The following MYH9 variants were observed in gnomAD, a reference collection of about 807,000 sequenced individuals.
MYH9 encodes the protein myosin heavy chain 9.
A neutral mutation model predicts 241.9 loss-of-function variants in MYH9; 29 were observed. The ratio of observed to expected loss-of-function variants is 0.12; its 90% CI spans 0.09 to 0.16. MYH9 has a LOEUF of 0.16. MYH9 is among the 10% of genes least tolerant of loss of function. The probability of loss-of-function intolerance (pLI) is 1.00; values close to 1 mark genes in which losing one functional copy is unlikely to be tolerated. For missense variants in MYH9, 1,803 were observed against 2,595.5 expected (o/e 0.69, Z 6.63); for synonymous variants, 1,047 against 1,062.6 (o/e 0.99, Z 0.29).
At chr22:36,316,795 A>G (rs576049781) in intron 11 of MYH9, 126 bp from the exon 12 acceptor site, 189 of 565,202 alleles carry the variant, frequency 3.3e-4, no homozygotes, top group East Asian at 6.6e-4. Context: ...TATGTGGGGG[A>G]AAAAAAAAAA....
At chr22:36,368,838 C>G (rs1418932683) in intron 1 of MYH9, among the ~76,000 whole-genome samples, 1 of 151,482 alleles carries the variant, frequency 6.6e-6, no homozygotes, top group Non-Finnish European at 1.5e-5. Flanking sequence ...CCCGGAAGAG[C>G]CTGCGAAGCC....
Position 36,284,435 on chromosome 22 carries a change from C to T in MYH9, c.5560G>A (p.Glu1854Lys), listed in dbSNP as rs1269778199. The T allele has an allele frequency of 5.6e-6, 9 of 1,613,378 alleles. No homozygotes were observed. The highest frequency in any genetic ancestry group is 1.3e-5 in the African/African-American group (1 of 75,076). Residue 1854 changes from glutamate (E) to lysine (K), a missense_variant, in exon 39 of 41, where the codon GAG becomes AAG. Transcript: ENST00000216181. ...TTGTACTGCTCGGCGTTCCTCCGCT[C>T]GTCATCCACCTGCAGCAGCACATCC... Reference protein sequence around the residue: ...LKDVLLQVDDERRNAEQYKDQ... With the variant: ...LKDVLLQVDDKRRNAEQYKDQ...
At chr22:36,302,928 C>T (rs943361910) in intron 19 of MYH9, among the ~76,000 whole-genome samples, 2 of 152,176 alleles carry the variant, frequency 1.3e-5, no homozygotes, top group African/African-American at 4.8e-5. Flanking sequence ...CACTGAGGTG[C>T]CCATGGGGGT....
chr22:36,286,660 C>A, intron 35 of MYH9, 58 bp downstream of exon 35: 2 of 1,604,832 alleles, frequency 1.2e-6, no homozygotes, highest in East Asian at 2.2e-5. Flanking sequence ...GAAAGCCCCA[C>A]GCTGCCACCT....
intron 1 of MYH9, among the ~76,000 whole-genome samples, chr22:36,379,820 C>A (rs542691984): frequency 6.6e-6 from 1 of 152,222 alleles, no homozygotes; most frequent in Non-Finnish European, 1.5e-5. Flanking sequence ...GCTGCTCCAG[C>A]GCTTGGCGGG....
At chr22:36,380,131 C>T (rs2018233583) in intron 1 of MYH9, among the ~76,000 whole-genome samples, 1 of 152,184 alleles carries the variant, frequency 6.6e-6, no homozygotes, top group Non-Finnish European at 1.5e-5. Context: ...CCCCAGGAGG[C>T]CCGGAGGCTG....
At chr22:36,341,640 G>A in intron 2 of MYH9, 114 bp from the exon 3 acceptor site, 1 of 1,219,374 alleles carries the variant, frequency 8.2e-7, no homozygotes, top group Non-Finnish European at 1.2e-6. Flanking sequence ...AGCCTGATGT[G>A]AAGGCACTCC....
At chr22:36,303,884 C>A (rs2016928016) in intron 19 of MYH9, 111 bp downstream of exon 19, 5 of 1,316,664 alleles carry the variant, frequency 3.8e-6, no homozygotes, top group Non-Finnish European at 5.3e-6. Flanking sequence ...CCTGGGCCTC[C>A]CTGACAGGCA....
At chr22:36,316,996 A>G (rs118095731) in intron 11 of MYH9, among the ~76,000 whole-genome samples, 234 of 84,592 alleles carry the variant, frequency 2.8e-3, no homozygotes, top group African/African-American at 9.0e-3. Context: ...CCCTAAATGC[A>G]CCCGATCTCA....
intron 1 of MYH9, among the ~76,000 whole-genome samples, chr22:36,366,545 C>A (rs1308908145): frequency 6.6e-6 from 1 of 152,154 alleles, no homozygotes; most frequent in Admixed American, 6.5e-5. Flanking sequence ...AAGGAGAGAG[C>A]CTCAGAGGCT....
At chr22:36,313,754 A>C (rs1462237934) in intron 13 of MYH9, among the ~76,000 whole-genome samples, 1 of 152,194 alleles carries the variant, frequency 6.6e-6, no homozygotes, top group Admixed American at 6.5e-5. Flanking sequence ...CTACAGTGAA[A>C]GCAGCCCGCG....
At chr22:36,344,247 C>A (rs1476634415) in intron 2 of MYH9, among the ~76,000 whole-genome samples, 2 of 152,264 alleles carry the variant, frequency 1.3e-5, no homozygotes, top group African/African-American at 4.8e-5. Context: ...CGACACGGCG[C>A]TGCTCCATTC....
Position 36,330,464 on chromosome 22 carries a change from T to C in MYH9, c.491-2976A>G, listed in dbSNP as rs562291871. ...AACCTTACAAGGTATTGTATTGTAA[T>C]GTACAAAGCAGGTATTATCATCATT... is the stretch of plus-strand genomic sequence containing the variant. On this transcript the variant is annotated intron_variant, in intron 3 of 40. Transcript: ENST00000216181. The surrounding 1 kb of genome is among the most constrained non-coding windows in gnomAD (Gnocchi z 4.5). Among the ~76,000 whole-genome samples the C allele has an allele frequency of 7.2e-5, 11 of 152,334 alleles. No individual in the cohort carries two copies. In the South Asian group the frequency reaches 1.9e-3, roughly 26 times the overall value.
At chr22:36,352,311 A>C (rs2017777981) in intron 1 of MYH9, among the ~76,000 whole-genome samples, 1 of 152,226 alleles carries the variant, frequency 6.6e-6, no homozygotes, top group Non-Finnish European at 1.5e-5. Flanking sequence ...ATGGCCCGTC[A>C]AAAAGCAGGC....
chr22:36,313,738 T>C (rs568269625), intron 13 of MYH9, among the ~76,000 whole-genome samples: 1 of 152,188 alleles, frequency 6.6e-6, no homozygotes, highest in Non-Finnish European at 1.5e-5. Context: ...TCTGCACTGT[T>C]CCATGCTACA....
chr22:36,340,899 G>A (rs1209955473), intron 3 of MYH9, among the ~76,000 whole-genome samples: 1 of 152,116 alleles, frequency 6.6e-6, no homozygotes, highest in Non-Finnish European at 1.5e-5. Flanking sequence ...CACTGCGATG[G>A]AACAGAAGGG....
intron 19 of MYH9, 143 bp downstream of exon 19, chr22:36,303,852 G>C: frequency 1.3e-6 from 1 of 778,632 alleles, no homozygotes; most frequent in Admixed American, 2.7e-5. Context: ...TAGAAATCCA[G>C]GAACAGGGGT....
In MYH9 at chr22:36,288,581, G is replaced by A. The variant is rs958642464; in HGVS notation, c.4770+146C>T. 32 of 1,312,778 alleles carry A rather than the reference G, an allele frequency of 2.4e-5. No homozygotes were observed. Among genetic ancestry groups the A allele is most frequent in the Middle Eastern group, 2.2e-4 (1 of 4,552 alleles). The allele number at this position is 1,312,778 out of a possible 1,614,324, so 81.3% of individuals were successfully genotyped here. A position where few individuals can be genotyped will look rare whatever the true frequency, so the allele number is the denominator to read the frequency against. On this transcript the variant is annotated intron_variant, in intron 33 of 40. Transcript: ENST00000216181. This position sits in a 1 kb window ranked among gnomAD's most constrained non-coding sequence, Gnocchi z 4.8. ...CTAAGAAAGTGAGTCACTGAACCCC[G>A]AGACAGGAGGCTAGAAAGAAGGAAT...
rs1196738320 is a variant in MYH9 at position 36,282,579 on chromosome 22, G to A, written c.*89C>T. 12 of 1,194,728 alleles carry A rather than the reference G, an allele frequency of 1.0e-5. No individual in the cohort carries two copies. Among genetic ancestry groups the A allele is most frequent in the Middle Eastern group, 3.8e-4 (2 of 5,318 alleles). The allele number at this position is 1,194,728 out of a possible 1,614,324, so 74.0% of individuals were successfully genotyped here. On this transcript the variant is annotated 3_prime_UTR_variant, in exon 41 of 41. Coordinates refer to ENST00000216181, the MANE Select transcript of MYH9 (RefSeq NM_002473.6). ...GGAGGCATGTTCACAGCAGTCCCAA[G>A]AAGGTGGGGAGAGGCGTGCTGCGGG...
Sources: gnomAD v4.1 joint callset for allele counts (sites outside exome capture counted in the v4.1 genomes callset) on GRCh38, gnomAD v4.1.1 for gene constraint, Gnocchi (gnomAD v3.1) non-coding constraint, MANE v1.5 for transcripts, NCBI Gene and HGNC (gene_info 2026-07-23, HGNC 2026-07-21) for gene names.